Variants in SLC44A3 observed in about 807,000 individuals in gnomAD.
SLC44A3 encodes the protein solute carrier family 44 member 3, also known as choline transporter-like protein 3.
In SLC44A3, 74 loss-of-function variants were observed where a neutral mutation model predicts 75.4. The ratio of observed to expected loss-of-function variants is 0.98; its 90% confidence interval spans 0.81 to 1.19. SLC44A3 has a LOEUF of 1.19. SLC44A3 is among the 50% of genes most tolerant of loss of function. The pLI, the probability that SLC44A3 is intolerant of heterozygous loss-of-function variation, is 0.00. For missense variants in SLC44A3, 700 were observed against 778.6 expected (o/e 0.90, Z 1.20); for synonymous variants, 310 against 296.9 (o/e 1.04, Z -0.45).
chr1:94,852,704 G>A (rs1289990552), intron 9 of SLC44A3, among the ~76,000 whole-genome samples: 1 of 152,140 alleles, frequency 6.6e-6, no homozygotes, highest in Non-Finnish European at 1.5e-5. Flanking sequence ...TCATAATGTT[G>A]GAAGTGGCAT....
At chr1:94,870,775 C>T (rs748005957) in intron 12 of SLC44A3, among the ~76,000 whole-genome samples, 15 of 152,172 alleles carry the variant, frequency 9.9e-5, no homozygotes, top group East Asian at 3.9e-4. Flanking sequence ...CTCTGCCTCC[C>T]GGGTTCAAGT....
intron 5 of SLC44A3, among the ~76,000 whole-genome samples, chr1:94,832,101 G>A (rs1205650753): frequency 6.6e-6 from 1 of 152,112 alleles, no homozygotes; most frequent in Admixed American, 6.5e-5. Context: ...CTGGGAGGTG[G>A]AGGTTGCAGT....
chr1:94,868,750 G>T (rs1187926855), intron 12 of SLC44A3, among the ~76,000 whole-genome samples: 1 of 152,262 alleles, frequency 6.6e-6, no homozygotes, highest in East Asian at 1.9e-4. Context: ...CAAAAGCAAT[G>T]AATGGGACCA....
rs1459070141 is a variant in SLC44A3 at position 94,834,572 on chromosome 1, C to T, written c.510-3139C>T. Among the ~76,000 whole-genome samples, 3 of 152,132 alleles carry T rather than the reference C, an allele frequency of 2.0e-5. No individual in the cohort carries two copies. In the East Asian group the frequency reaches 5.8e-4, roughly 29 times the overall value. On this transcript the variant is annotated intron_variant, in intron 5 of 14. Coordinates refer to ENST00000271227, the MANE Select transcript of SLC44A3 (RefSeq NM_001114106.3). ...CGATCTCAGCTCACTGCAACCTGTG[C>T]CTCCCGGGTTCAAGCAATTCTCCTG... is the stretch of plus-strand genomic sequence containing the variant.
At chr1:94,824,451 C>T (rs371407190) in intron 2 of SLC44A3, 42 bp from the exon 3 acceptor site, 70 of 1,551,336 alleles carry the variant, frequency 4.5e-5, no homozygotes, top group Non-Finnish European at 5.9e-5. Context: ...ACTGTGCGCT[C>T]AGCCCTTTGG....
In SLC44A3 at chr1:94,870,618, T is replaced by A. The variant is rs115478961; in HGVS notation, c.1482+3201T>A. Among the ~76,000 whole-genome samples the A allele has an allele frequency of 5.0e-3, 762 of 152,314 alleles. 11 individuals are homozygous for A. The highest frequency in any genetic ancestry group is 0.017 in the African/African-American group (725 of 41,566). Reference sequence around the variant, plus strand: ...GCTGTGGGTATTGGCAATAAACTATTTTGCCAGTTGTATGCTGAGCACTTT... The same window carrying A: ...GCTGTGGGTATTGGCAATAAACTATATTGCCAGTTGTATGCTGAGCACTTT... On this transcript the variant is annotated intron_variant, in intron 12 of 14. Coordinates refer to ENST00000271227, the MANE Select transcript of SLC44A3 (RefSeq NM_001114106.3).
chr1:94,832,549 T>C (rs987835033), intron 5 of SLC44A3, among the ~76,000 whole-genome samples: 1 of 152,236 alleles, frequency 6.6e-6, no homozygotes, highest in African/African-American at 2.4e-5. Flanking sequence ...TTTAAATTTA[T>C]TCAGTGGGAC....
chr1:94,829,404 C>G (rs1661821708), intron 5 of SLC44A3, among the ~76,000 whole-genome samples: 1 of 152,180 alleles, frequency 6.6e-6, no homozygotes, highest in Non-Finnish European at 1.5e-5. Context: ...GATCACCACA[C>G]CTTTCTTAAT....
chr1:94,835,862 A>G (rs6673947), intron 5 of SLC44A3, among the ~76,000 whole-genome samples: 84,849 of 152,096 alleles, frequency 0.56, 23,755 homozygotes, highest in East Asian at 0.69. Context: ...CGGTAGCTCA[A>G]GGACAAGGAA....
intron 2 of SLC44A3, among the ~76,000 whole-genome samples, chr1:94,821,416 A>G (rs945668925): frequency 6.6e-6 from 1 of 152,170 alleles, no homozygotes. Flanking sequence ...CTTTTGGTGC[A>G]CCTTTAACAA....
Position 94,894,869 on chromosome 1 carries a change from A to G in SLC44A3, c.1909A>G (p.Lys637Glu). Residue 637 changes from lysine (K) to glutamate (E), a missense_variant, in exon 15 of 15, where the codon AAG (lysine) becomes GAG (glutamate). Lys to Glu is a moderately conservative substitution (Grantham distance 56, BLOSUM62 1). Coordinates refer to ENST00000271227, the MANE Select transcript of SLC44A3 (RefSeq NM_001114106.3). ...AAACAATGCAAGGGCACAGCAGGAC[A>G]AGCACTCATTAAGGAATGAGGAGGG... The part of the protein sequence containing the change: ...KLNNARAQQD[K>E]HSLRNEEGTE... The G allele has an allele frequency of 6.2e-7, 1 of 1,612,658 alleles. No individual in the cohort carries two copies. Among genetic ancestry groups the G allele is most frequent in the South Asian group, 1.1e-5 (1 of 90,878 alleles).
chr1:94,865,436 A>C (rs1478228030), intron 11 of SLC44A3, among the ~76,000 whole-genome samples: 2 of 152,154 alleles, frequency 1.3e-5, no homozygotes, highest in Non-Finnish European at 2.9e-5. Flanking sequence ...ATGTGTGTGT[A>C]CATGCGTGTG....
At chr1:94,848,044 C>T (rs868566336) in intron 9 of SLC44A3, among the ~76,000 whole-genome samples, 122 of 152,196 alleles carry the variant, frequency 8.0e-4, no homozygotes, top group African/African-American at 2.2e-3. Context: ...CTGGCTAACA[C>T]GGTGAAACCC....
chr1:94,845,877 T>C (rs1664333036), intron 9 of SLC44A3, among the ~76,000 whole-genome samples: 1 of 152,086 alleles, frequency 6.6e-6, no homozygotes, highest in Admixed American at 6.6e-5. Context: ...AGCCGGGTGC[T>C]ATGGCTCATG....
intron 12 of SLC44A3, among the ~76,000 whole-genome samples, chr1:94,885,224 CAAAAAAAAA>C (rs60440950): frequency 1.2e-5 from 1 of 82,848 alleles, no homozygotes; most frequent in South Asian, 7.0e-4. Context: ...GACTCCCTCT[CAAAAAAAAA>C]AAAAAAAAAA....
chr1:94,829,290 AAAG>A (rs1213343445), intron 5 of SLC44A3, among the ~76,000 whole-genome samples: 3 of 101,974 alleles, frequency 2.9e-5, no homozygotes, highest in African/African-American at 1.1e-4. Flanking sequence ...TCAAAAAAAA[AAAG>A]AAAATCGTTT....
intron 1 of SLC44A3, 32 bp downstream of exon 1, chr1:94,820,510 G>C: frequency 1.3e-6 from 2 of 1,487,138 alleles, no homozygotes; most frequent in Non-Finnish European, 1.8e-6. Context: ...CCTCGGGGGA[G>C]GAGCCCCGGG....
intron 12 of SLC44A3, among the ~76,000 whole-genome samples, chr1:94,877,684 G>T (rs1668444919): frequency 6.6e-6 from 1 of 152,142 alleles, no homozygotes; most frequent in South Asian, 2.1e-4. Context: ...GGGCGAAAAA[G>T]TTCCCAAAAG....
At position 94,894,980 on chromosome 1, in the gene SLC44A3, A is replaced by C; in HGVS notation, c.*58A>C. 1 of 1,345,524 alleles carries C rather than the reference A, an allele frequency of 7.4e-7. No homozygotes were observed. The allele number at this position is 1,345,524 out of a possible 1,614,324, so 83.3% of individuals were successfully genotyped here. ...TTTCCTTCTAAGAGCCATTTACAGA[A>C]TAGAAGATGAGACCACTAGAGAAAA... On this transcript the variant is annotated 3_prime_UTR_variant, in exon 15 of 15. Coordinates refer to ENST00000271227, the MANE Select transcript of SLC44A3 (RefSeq NM_001114106.3).
Sources: gnomAD v4.1 joint callset for allele counts (sites outside exome capture counted in the v4.1 genomes callset) on GRCh38, gnomAD v4.1.1 for gene constraint, MANE v1.5 for transcripts, NCBI Gene and HGNC (gene_info 2026-07-23, HGNC 2026-07-21) for gene names.